The following DCBLD2 variants were observed in gnomAD, a reference collection of about 807,000 sequenced individuals.
DCBLD2 encodes the protein discoidin, CUB and LCCL domain-containing protein 2.
A neutral mutation model predicts 86.8 loss-of-function variants in DCBLD2; 54 were observed. The ratio of observed to expected loss-of-function variants is 0.62; its 90% CI spans 0.50 to 0.78. The LOEUF (loss-of-function observed/expected upper bound fraction) is 0.78, where lower values mean the gene tolerates loss of function less well. DCBLD2 is among the 30% of genes least tolerant of loss of function. DCBLD2 has a pLI of 0.00. For missense variants in DCBLD2, 908 were observed against 954.2 expected (o/e 0.95, Z 0.64); for synonymous variants, 354 against 341.3 (o/e 1.04, Z -0.41).
intron 1 of DCBLD2, chr3:98,890,472 T>C (rs1372632979): frequency 6.6e-6 from 1 of 152,110 alleles, no homozygotes; most frequent in Admixed American, 6.6e-5. Context: ...AGACAATAAA[T>C]TTAAGTCAGT....
In DCBLD2 at chr3:98,804,461, CA is replaced by C. The variant is rs1212108580; in HGVS notation, c.1671-2813del. 2.6e-5 allele frequency among the ~76,000 whole-genome samples: 4 copies of C among 151,586 alleles called. No homozygotes were observed. The South Asian group carries it at 8.4e-4, about 32-fold the overall frequency. ...TTTTCTTCTTTATTAGTCTTGCTAG[CA>C]GTCTATCAATTTTGTTGATCTTTTC... On this transcript the variant is annotated intron_variant, in intron 13 of 15. Transcript: ENST00000326840.
intron 1 of DCBLD2, among the ~76,000 whole-genome samples, chr3:98,890,098 G>A (rs1943632515): frequency 1.3e-5 from 2 of 152,008 alleles, no homozygotes; most frequent in South Asian, 2.1e-4. Context: ...GTTGCGGGTT[G>A]AATTGTGTCC....
intron 2 of DCBLD2, among the ~76,000 whole-genome samples, chr3:98,855,134 C>A (rs530034285): frequency 2.0e-5 from 3 of 151,932 alleles, no homozygotes; most frequent in Non-Finnish European, 2.9e-5. Context: ...AGAACTCCAA[C>A]AAATGAATAA....
rs144583545 is a variant in DCBLD2, at chr3:98,856,903, A to G, written c.434-7305T>C. Among the ~76,000 whole-genome samples the G allele has an allele frequency of 7.9e-5, 12 of 152,350 alleles. No homozygotes were observed. In the East Asian group the frequency reaches 2.3e-3, roughly 29 times the overall value. ...AAAAGGATCAGTGAGAATGTGGCTG[A>G]AATGAAAGGGGATATAAATGGCAAA... On this transcript the variant is annotated intron_variant, in intron 2 of 15. Coordinates refer to ENST00000326840, the MANE Select transcript of DCBLD2 (RefSeq NM_080927.4).
rs1308137977 is a variant in DCBLD2 at position 98,811,270 on chromosome 3, T to G, written c.1500A>C (p.Glu500Asp). 6.2e-7 allele frequency: 1 copy of G among 1,612,998 alleles called. No individual in the cohort carries two copies. ...TTGTTTGTTCTGTCTGTGCAGGAAA[T>G]TCATTGCTACTGCGAGGTTGTAGTG... ...TQPLQPRSSN[E>D]FPAQTEQTTA... Residue 500 changes from glutamate (E) to aspartate (D), a missense_variant, in exon 12 of 16, where the codon GAA (glutamate) becomes GAC (aspartate). Coordinates refer to ENST00000326840, the MANE Select transcript of DCBLD2 (RefSeq NM_080927.4).
In DCBLD2 at chr3:98,817,709, T is replaced by A. The variant is rs551600834; in HGVS notation, c.1212+60A>T. 86 of 1,553,734 alleles carry A rather than the reference T, an allele frequency of 5.5e-5. 1 individual carries two copies. In the South Asian group the frequency reaches 9.3e-4, roughly 17 times the overall value. On this transcript the variant is annotated intron_variant, in intron 9 of 15. Transcript: ENST00000326840. ...ATCTCTTTTATACAGGAGAGCTCTG[T>A]GACTTGGCAACCACCCATTTAAAAA...
At chr3:98,820,212 A>C in intron 7 of DCBLD2, 36 bp downstream of exon 7, 1 of 1,324,374 alleles carries the variant, frequency 7.6e-7, no homozygotes. Flanking sequence ...AAAATATTAT[A>C]TAAATAAAAA....
At chr3:98,843,581 T>C (rs1022587674) in intron 3 of DCBLD2, among the ~76,000 whole-genome samples, 6 of 152,186 alleles carry the variant, frequency 3.9e-5, no homozygotes, top group Non-Finnish European at 7.4e-5. Flanking sequence ...TGCAAACTCA[T>C]ATAATCTGAT....
chr3:98,852,557 TTTC>T (rs1942858976), intron 2 of DCBLD2, among the ~76,000 whole-genome samples: 1 of 152,240 alleles, frequency 6.6e-6, no homozygotes, highest in African/African-American at 2.4e-5. Context: ...TTCTAGGGTA[TTTC>T]TTACCAGGAT....
chr3:98,854,073 T>A (rs572069535), intron 2 of DCBLD2, among the ~76,000 whole-genome samples: 1 of 152,206 alleles, frequency 6.6e-6, no homozygotes, highest in African/African-American at 2.4e-5. Context: ...TTACTGAAAC[T>A]CTGAATATCC....
intron 2 of DCBLD2, among the ~76,000 whole-genome samples, chr3:98,874,930 A>G (rs534023539): frequency 6.6e-6 from 1 of 152,306 alleles, no homozygotes; most frequent in African/African-American, 2.4e-5. Flanking sequence ...TGTTTTTTTA[A>G]GCCACTCGGT....
intron 1 of DCBLD2, among the ~76,000 whole-genome samples, chr3:98,889,161 C>T (rs370107062): frequency 3.9e-5 from 6 of 152,116 alleles, no homozygotes; most frequent in African/African-American, 1.4e-4. Context: ...AAGCTCCACC[C>T]TAGATCATTA....
chr3:98,876,253 G>A (rs999119433), intron 2 of DCBLD2, among the ~76,000 whole-genome samples: 4 of 151,696 alleles, frequency 2.6e-5, no homozygotes, highest in African/African-American at 9.7e-5. Flanking sequence ...ATGGGCAAAT[G>A]GTGTGTGCCT....
At chr3:98,831,151 A>C (rs1250516924) in intron 3 of DCBLD2, among the ~76,000 whole-genome samples, 3 of 150,546 alleles carry the variant, frequency 2.0e-5, no homozygotes, top group African/African-American at 7.3e-5. Flanking sequence ...GGCTCACTGC[A>C]ACCTCCGCCT....
intron 1 of DCBLD2, among the ~76,000 whole-genome samples, chr3:98,899,007 A>C (rs1943798670): frequency 6.6e-6 from 1 of 151,988 alleles, no homozygotes; most frequent in African/African-American, 2.4e-5. Flanking sequence ...CACCTTAATG[A>C]TGTAGAAAAC....
intron 1 of DCBLD2, among the ~76,000 whole-genome samples, chr3:98,890,658 G>A (rs1275424778): frequency 1.3e-5 from 2 of 151,852 alleles, no homozygotes; most frequent in Non-Finnish European, 2.9e-5. Context: ...TCCTTCTCTT[G>A]CTTCCTTCTC....
intron 14 of DCBLD2, among the ~76,000 whole-genome samples, chr3:98,801,023 C>A (rs9839559): frequency 0.033 from 5,100 of 152,256 alleles, 117 homozygotes; most frequent in Middle Eastern, 0.065. Flanking sequence ...TTTCCAAGAT[C>A]TACCCTGGGG....
intron 3 of DCBLD2, among the ~76,000 whole-genome samples, chr3:98,827,851 A>G (rs1297996616): frequency 6.6e-6 from 1 of 152,246 alleles, no homozygotes; most frequent in Non-Finnish European, 1.5e-5. Context: ...CATCTGCCCC[A>G]GAGATTTCTG....
rs1239288735 is a variant in DCBLD2, at chr3:98,901,258, G to GGCGGCC, written c.63_68dup (p.Ala23_Ala24dup). 3.9e-6 allele frequency: 6 copies of GGCGGCC among 1,531,078 alleles called. No homozygotes were observed. In the African/African-American group the frequency reaches 8.2e-5, roughly 21 times the overall value. The allele number at this position is 1,531,078 out of a possible 1,614,324, so 94.8% of individuals were successfully genotyped here. A position where few individuals can be genotyped will look rare whatever the true frequency, so the allele number is the denominator to read the frequency against. On this transcript the variant is annotated inframe_insertion, in exon 1 of 16. Transcript: ENST00000326840. The stretch of plus-strand genomic sequence containing the variant: ...GGGGGAGCGCGGCCCAGGCGGGGGC[G>GGCGGCC]GCGGCCGCGGCCCGGACTTGGGGAC...
Sources: gnomAD v4.1 joint callset for allele counts (sites outside exome capture counted in the v4.1 genomes callset) on GRCh38, gnomAD v4.1.1 for gene constraint, MANE v1.5 for transcripts, NCBI Gene and HGNC (gene_info 2026-07-23, HGNC 2026-07-21) for gene names.